Variants in DAPK1 observed in about 807,000 individuals in gnomAD.
The protein encoded by DAPK1 is death associated protein kinase 1.
DAPK1 carries 56 observed loss-of-function variants against 144.9 expected under a neutral mutation model. The observed-to-expected ratio is 0.39, with a 90% confidence interval of 0.31 to 0.48. The LOEUF (loss-of-function observed/expected upper bound fraction) is 0.48. Among genes scored for constraint, DAPK1 ranks in the 20% least tolerant of loss-of-function variants. The probability of loss-of-function intolerance (pLI) is 0.95; values close to 1 mark genes in which losing one functional copy is unlikely to be tolerated. For missense variants in DAPK1, 1,454 were observed against 1,875.4 expected (o/e 0.78, Z 4.15); for synonymous variants, 690 against 749.0 (o/e 0.92, Z 1.29).
intron 21 of DAPK1, among the ~76,000 whole-genome samples, chr9:87,689,526 CTAAGT>C (rs1201363243): frequency 2.0e-5 from 3 of 152,158 alleles, no homozygotes; most frequent in Non-Finnish European, 4.4e-5. Flanking sequence ...TTAATACACT[CTAAGT>C]TGTCTATTTT....
chr9:87,698,914 T>C, intron 23 of DAPK1, 120 bp downstream of exon 23: 1 of 618,906 alleles, frequency 1.6e-6, no homozygotes, highest in South Asian at 2.0e-5. Flanking sequence ...TAAAGGTCTT[T>C]CTTTCTTGGT....
intron 2 of DAPK1, among the ~76,000 whole-genome samples, chr9:87,505,510 C>T (rs1824553240): frequency 6.6e-6 from 1 of 150,980 alleles, no homozygotes; most frequent in South Asian, 2.1e-4. Flanking sequence ...ATTCTCCTGC[C>T]TCAGCCTCCC....
chr9:87,532,837 C>T (rs1209851002), intron 2 of DAPK1, among the ~76,000 whole-genome samples: 2 of 152,196 alleles, frequency 1.3e-5, no homozygotes, highest in East Asian at 3.8e-4. Flanking sequence ...TTGCCCTCCA[C>T]CCAGAGTCTG....
chr9:87,685,976 T>G (rs1028030694), intron 20 of DAPK1, among the ~76,000 whole-genome samples: 1 of 152,198 alleles, frequency 6.6e-6, no homozygotes, highest in Non-Finnish European at 1.5e-5. Flanking sequence ...AAGTGGAGAC[T>G]CGCTGCAAGA....
At position 87,665,890 on chromosome 9, in the gene DAPK1, G is replaced by C. The variant is rs118048271; in HGVS notation, c.1924-2707G>C. Among the ~76,000 whole-genome samples, 1,143 of 152,302 alleles carry C rather than the reference G, an allele frequency of 7.5e-3. 29 individuals carry two copies. The highest frequency in any genetic ancestry group is 0.075 in the East Asian group (389 of 5,184). The stretch of plus-strand genomic sequence containing the variant: ...CCCCAGGGCTCACGTTGAGATGATG[G>C]ACAGCTGAGTGCTGAGACACTTGGC... On this transcript the variant is annotated intron_variant, in intron 18 of 25. Transcript: ENST00000408954.
chr9:87,662,997 T>A (rs1214714837), intron 18 of DAPK1, among the ~76,000 whole-genome samples: 1 of 152,052 alleles, frequency 6.6e-6, no homozygotes, highest in East Asian at 1.9e-4. Context: ...GCCCAGCACC[T>A]ACGCCTTCCT....
chr9:87,695,124 C>T (rs1352208059), intron 21 of DAPK1, among the ~76,000 whole-genome samples: 1 of 152,188 alleles, frequency 6.6e-6, no homozygotes, highest in Non-Finnish European at 1.5e-5. Context: ...GACCCCAGGC[C>T]CTGCTCCCAT....
chr9:87,677,005 G>A (rs754952839), intron 19 of DAPK1, among the ~76,000 whole-genome samples: 21 of 152,206 alleles, frequency 1.4e-4, no homozygotes, highest in African/African-American at 2.4e-4. Flanking sequence ...TTCCTCATCC[G>A]AAAGGGAGGA....
At chr9:87,598,983 A>G (rs1412856023) in intron 2 of DAPK1, among the ~76,000 whole-genome samples, 1 of 152,204 alleles carries the variant, frequency 6.6e-6, no homozygotes, top group Non-Finnish European at 1.5e-5. Context: ...TGAGTCTTCA[A>G]CTGGGAGGAG....
At chr9:87,514,413 G>T (rs961285705) in intron 2 of DAPK1, among the ~76,000 whole-genome samples, 1 of 152,184 alleles carries the variant, frequency 6.6e-6, no homozygotes, top group East Asian at 1.9e-4. Flanking sequence ...ACCTGCTGGT[G>T]AGGCTTGTGG....
chr9:87,618,351 G>A (rs141207896), intron 3 of DAPK1, among the ~76,000 whole-genome samples: 1 of 152,308 alleles, frequency 6.6e-6, no homozygotes, highest in African/African-American at 2.4e-5. Flanking sequence ...AATTGTTCCA[G>A]CCACTTTGGG....
chr9:87,647,658 C>T (rs938688546), intron 14 of DAPK1, among the ~76,000 whole-genome samples: 1 of 152,142 alleles, frequency 6.6e-6, no homozygotes, highest in Non-Finnish European at 1.5e-5. Flanking sequence ...ACATAAAAAC[C>T]TCAAAGTTCT....
chr9:87,579,511 A>G (rs1827678785), intron 2 of DAPK1, among the ~76,000 whole-genome samples: 1 of 152,176 alleles, frequency 6.6e-6, no homozygotes. Context: ...TAGATCCATC[A>G]TAGTTTTAAA....
intron 3 of DAPK1, among the ~76,000 whole-genome samples, chr9:87,621,894 C>A (rs1472022106): frequency 6.6e-6 from 1 of 152,060 alleles, no homozygotes; most frequent in African/African-American, 2.4e-5. Flanking sequence ...ATCTGCAGTT[C>A]CCCCACATCC....
intron 18 of DAPK1, among the ~76,000 whole-genome samples, chr9:87,663,772 C>A (rs544040729): frequency 3.3e-5 from 5 of 152,136 alleles, no homozygotes; most frequent in African/African-American, 7.2e-5. Context: ...TCGGCCCCCC[C>A]ACACCAGGGT....
chr9:87,665,671 G>A (rs1269643236), intron 18 of DAPK1, among the ~76,000 whole-genome samples: 1 of 152,198 alleles, frequency 6.6e-6, no homozygotes, highest in African/African-American at 2.4e-5. Flanking sequence ...CCTAAAACTG[G>A]CTGGCCTGTG....
At chr9:87,585,849 A>C (rs1242474001) in intron 2 of DAPK1, among the ~76,000 whole-genome samples, 1 of 152,254 alleles carries the variant, frequency 6.6e-6, no homozygotes, top group Admixed American at 6.5e-5. Flanking sequence ...GGGTTCAAAC[A>C]CTCAGAAAAG....
intron 2 of DAPK1, among the ~76,000 whole-genome samples, chr9:87,562,926 T>G (rs1826984095): frequency 6.6e-6 from 1 of 152,228 alleles, no homozygotes; most frequent in Non-Finnish European, 1.5e-5. Flanking sequence ...TCAGCTTTTT[T>G]ATAGAACCTC....
chr9:87,705,241 T>A (rs1455297027), intron 25 of DAPK1, among the ~76,000 whole-genome samples: 1 of 56,146 alleles, frequency 1.8e-5, no homozygotes, highest in East Asian at 1.1e-3. Flanking sequence ...AATTAATTAA[T>A]TTTTTTTTTT....
Sources: allele counts gnomAD v4.1 joint callset (sites outside exome capture counted in the v4.1 genomes callset), GRCh38; gene constraint gnomAD v4.1.1; transcripts MANE v1.5; gene names NCBI Gene and HGNC (gene_info 2026-07-23, HGNC 2026-07-21).